OBP2B: variants seen among roughly 807,000 people sequenced by gnomAD.
The protein encoded by OBP2B is odorant binding protein 2B.
Under a neutral mutation model 21.7 loss-of-function variants are expected in OBP2B, and 10 were observed. That is an observed-to-expected ratio of 0.46 (90% CI 0.28 to 0.78). The LOEUF is 0.78. Ranked by LOEUF, OBP2B falls within the 30% of genes least tolerant of loss-of-function variation. The pLI is 0.11. For synonymous variants in OBP2B, 73 were observed against 91.5 expected, an observed-to-expected ratio of 0.80 and a Z score of 1.16; for missense variants, 153 against 217.7, an observed-to-expected ratio of 0.70 and a Z score of 1.87.
At chr9:133,208,307 G>GCCC (rs1294027344) in intron 2 of OBP2B, 104 bp from the exon 3 acceptor site, 2 of 1,276,914 alleles carry the variant, frequency 1.6e-6, no homozygotes, top group African/African-American at 1.5e-5. Context: ...AAATTCCACT[G>GCCC]CCCCCCACCC....
At chr9:133,218,700 T>C in the OBP2B span, among the ~76,000 whole-genome samples, 1 of 152,130 alleles carries the variant, frequency 6.6e-6, no homozygotes, top group Non-Finnish European at 1.5e-5. Context: ...GGCAGCTTTA[T>C]GCCTGGAGGG....
chr9:133,213,915 C>T (rs1238285528), upstream of OBP2B, among the ~76,000 whole-genome samples: 1 of 152,146 alleles, frequency 6.6e-6, no homozygotes, highest in Non-Finnish European at 1.5e-5. Context: ...CCAACCAAAA[C>T]CTGACAACAC....
intron 2 of OBP2B, 28 bp downstream of exon 2, chr9:133,208,441 G>A (rs1289295051): frequency 1.2e-6 from 2 of 1,607,836 alleles, no homozygotes. Context: ...AAAGTGGCCT[G>A]AGGGGCCCTG....
upstream of OBP2B, among the ~76,000 whole-genome samples, chr9:133,214,228 C>T (rs1219199926): frequency 6.6e-6 from 1 of 152,176 alleles, no homozygotes; most frequent in African/African-American, 2.4e-5. Flanking sequence ...CAAAGAGCAT[C>T]TACAAAAAAC....
At chr9:133,220,448 C>A in the OBP2B span, among the ~76,000 whole-genome samples, 12 of 152,168 alleles carry the variant, frequency 7.9e-5, no homozygotes, top group African/African-American at 2.9e-4. Flanking sequence ...CCAGTTCCCC[C>A]CATGGGCAGA....
chr9:133,212,747 A>G (rs75973907), upstream of OBP2B, among the ~76,000 whole-genome samples: 8,943 of 152,270 alleles, frequency 0.059, 376 homozygotes, highest in African/African-American at 0.11. Flanking sequence ...CCTGGCCAAC[A>G]TGGCGAAAAC....
the OBP2B span, among the ~76,000 whole-genome samples, chr9:133,216,484 T>TA: frequency 0.11 from 16,068 of 144,708 alleles, 1,062 homozygotes; most frequent in Middle Eastern, 0.22. Flanking sequence ...TTGACAGGTT[T>TA]AAAAAAAAAA....
the OBP2B span, among the ~76,000 whole-genome samples, chr9:133,221,559 C>T: frequency 6.6e-5 from 10 of 152,156 alleles, no homozygotes; most frequent in East Asian, 1.9e-4. Flanking sequence ...TGGCCACAGA[C>T]GTGGTAATGA....
upstream of OBP2B, among the ~76,000 whole-genome samples, chr9:133,213,115 C>T (rs1833935567): frequency 6.6e-6 from 1 of 152,002 alleles, no homozygotes; most frequent in Non-Finnish European, 1.5e-5. Flanking sequence ...TGGCGTATAC[C>T]TGTAATCCCA....
chr9:133,207,982 C>T lies in OBP2B; in HGVS notation c.277+151G>A, dbSNP rs781865569. 7.1e-5 allele frequency: 109 copies of T among 1,527,586 alleles called. No individual in the cohort carries two copies. In the African/African-American group the frequency reaches 1.4e-3, roughly 20 times the overall value. The allele number at this position is 1,527,586 out of a possible 1,614,324, so 94.6% of individuals were successfully genotyped here. A position where few individuals can be genotyped will look rare whatever the true frequency, so the allele number is the denominator to read the frequency against. ...GGTGTCTGATGTCAGGGCCACCAGCCCCCCAGGAAGGAGAGGCCAGCCCCT... is the reference window on the plus strand; with the variant it reads ...GGTGTCTGATGTCAGGGCCACCAGCTCCCCAGGAAGGAGAGGCCAGCCCCT... On this transcript the variant is annotated intron_variant, in intron 3 of 6. Coordinates refer to ENST00000372034, the MANE Select transcript of OBP2B (RefSeq NM_014581.4).
chr9:133,215,293 GT>G, the OBP2B span, among the ~76,000 whole-genome samples: 4 of 152,160 alleles, frequency 2.6e-5, no homozygotes, highest in African/African-American at 9.7e-5. Flanking sequence ...ATGGAGAGAT[GT>G]GCTATATCCA....
chr9:133,209,442 A>G (rs1833863278), upstream of OBP2B, among the ~76,000 whole-genome samples: 1 of 152,160 alleles, frequency 6.6e-6, no homozygotes, highest in South Asian at 2.1e-4. The surrounding 1 kb of genome is among the most constrained non-coding windows in gnomAD (Gnocchi z 6.0). Context: ...GATGCCATCC[A>G]GAGTTTGCAC....
chr9:133,211,671 A>G (rs575855077), upstream of OBP2B, among the ~76,000 whole-genome samples: 11 of 152,322 alleles, frequency 7.2e-5, no homozygotes, highest in East Asian at 1.7e-3. Context: ...CCTCAGAAGG[A>G]CTGAGTCCCA....
rs1833671745 is a variant in OBP2B, at chr9:133,205,416, G to A, written c.*2-5C>T. 1 of 1,307,548 alleles carries A rather than the reference G, an allele frequency of 7.6e-7. No individual in the cohort carries two copies. The allele number at this position is 1,307,548 out of a possible 1,614,324, so 81.0% of individuals were successfully genotyped here. A position where few individuals can be genotyped will look rare whatever the true frequency, so the allele number is the denominator to read the frequency against. Reference sequence around the variant, plus strand: ...GAGGTGCAGACCCGGGGGCTGCTGTGCTGGGAAGAGGAGCAGAGGTCAGGG... The same window carrying A: ...GAGGTGCAGACCCGGGGGCTGCTGTACTGGGAAGAGGAGCAGAGGTCAGGG... On this transcript the variant is annotated splice_polypyrimidine_tract_variant and splice_region_variant and intron_variant, in intron 6 of 6. Coordinates refer to ENST00000372034, the MANE Select transcript of OBP2B (RefSeq NM_014581.4).
the OBP2B span, among the ~76,000 whole-genome samples, chr9:133,222,356 T>G: frequency 3.9e-5 from 6 of 152,334 alleles, no homozygotes; most frequent in African/African-American, 1.4e-4. Flanking sequence ...TTCTTAGAGC[T>G]TTTGCTAAAA....
chr9:133,217,629 G>C, the OBP2B span, among the ~76,000 whole-genome samples: 1 of 152,226 alleles, frequency 6.6e-6, no homozygotes, highest in Non-Finnish European at 1.5e-5. Flanking sequence ...TGGGTTCCCA[G>C]TGACTCTTGC....
At chr9:133,206,180 C>CTCCAAT in intron 5 of OBP2B, 135 bp downstream of exon 5, 1 of 1,177,702 alleles carries the variant, frequency 8.5e-7, no homozygotes, top group Admixed American at 1.8e-5. Context: ...AAACAGGGCC[C>CTCCAAT]GGGAGCCCCT....
chr9:133,217,262 A>G, the OBP2B span, among the ~76,000 whole-genome samples: 1 of 152,166 alleles, frequency 6.6e-6, no homozygotes, highest in Non-Finnish European at 1.5e-5. Flanking sequence ...GGTGCAGGGG[A>G]CTTAAAATGA....
At chr9:133,211,673 T>A (rs1442546437), upstream of OBP2B, among the ~76,000 whole-genome samples, 1 of 152,222 alleles carries the variant, frequency 6.6e-6, no homozygotes, top group Non-Finnish European at 1.5e-5. Context: ...TCAGAAGGAC[T>A]GAGTCCCAGT....
Sources: allele counts gnomAD v4.1 joint callset (sites outside exome capture counted in the v4.1 genomes callset), GRCh38; gene constraint gnomAD v4.1.1; non-coding constraint Gnocchi (gnomAD v3.1); transcripts MANE v1.5; gene names NCBI Gene and HGNC (gene_info 2026-07-23, HGNC 2026-07-21).